Variants in DYNC2H1 observed in about 807,000 individuals in gnomAD.
DYNC2H1 encodes the protein dynein cytoplasmic 2 heavy chain 1, also known as cytoplasmic dynein 2 heavy chain 1.
Under a neutral mutation model 570.0 loss-of-function variants are expected in DYNC2H1, and 410 were observed. The ratio of observed to expected loss-of-function variants is 0.72; its 90% CI spans 0.66 to 0.78. The LOEUF (loss-of-function observed/expected upper bound fraction) is 0.78, where lower values mean the gene tolerates loss of function less well. DYNC2H1 is among the 30% of genes least tolerant of loss of function. The probability of loss-of-function intolerance (pLI) is 0.00; values close to 1 mark genes in which losing one functional copy is unlikely to be tolerated. For synonymous variants in DYNC2H1, 1,688 were observed against 1,677.6 expected, an observed-to-expected ratio of 1.01 and a Z score of -0.15; for missense variants, 4,865 against 5,046.4, an observed-to-expected ratio of 0.96 and a Z score of 1.09.
Position 103,277,148 on chromosome 11 carries a change from T to A in DYNC2H1, c.10696-3200T>A, listed in dbSNP as rs1382110919. On this transcript the variant is annotated intron_variant, in intron 70 of 88. Transcript: ENST00000375735. The surrounding 1 kb of genome is among the most constrained non-coding windows in gnomAD (Gnocchi z 4.3). ...GTCTCCTTTTCAGTCTCTCCCCAAC[T>A]TGTTACCCCCTTTTAGACCTTATAT... 6.6e-6 allele frequency among the ~76,000 whole-genome samples: 1 copy of A among 152,080 alleles called. No individual in the cohort carries two copies. Among genetic ancestry groups the A allele is most frequent in the Non-Finnish European group, 1.5e-5 (1 of 67,972 alleles).
At chr11:103,197,611 C>G (rs1862553315) in intron 47 of DYNC2H1, among the ~76,000 whole-genome samples, 1 of 152,032 alleles carries the variant, frequency 6.6e-6, no homozygotes, top group Non-Finnish European at 1.5e-5. Context: ...CCACACCTGG[C>G]TAATTTTTAA....
At position 103,145,336 on chromosome 11, in the gene DYNC2H1, A is replaced by G. The variant is rs572726822; in HGVS notation, c.2702+1941A>G. ...GAGCGTGGGTGATTTGGATACTGGTAGGACCATTAATATTAGTTTAAAGTA... is the reference window on the plus strand; with the variant it reads ...GAGCGTGGGTGATTTGGATACTGGTGGGACCATTAATATTAGTTTAAAGTA... On this transcript the variant is annotated intron_variant, in intron 18 of 88. Transcript: ENST00000375735. The surrounding 1 kb of genome is among the most constrained non-coding windows in gnomAD (Gnocchi z 4.2). Among the ~76,000 whole-genome samples, 1 of 152,346 alleles carries G rather than the reference A, an allele frequency of 6.6e-6. No homozygotes were observed. Among genetic ancestry groups the G allele is most frequent in the African/African-American group, 2.4e-5 (1 of 41,588 alleles).
intron 75 of DYNC2H1, chr11:103,287,871 A>T (rs548760184): frequency 1.7e-4 from 55 of 332,642 alleles, no homozygotes; most frequent in African/African-American, 1.1e-3. Context: ...CCATGGAGAA[A>T]GAGTAATTCA....
chr11:103,291,163 C>T (rs989863131), intron 75 of DYNC2H1, among the ~76,000 whole-genome samples: 18 of 152,146 alleles, frequency 1.2e-4, no homozygotes, highest in Non-Finnish European at 2.2e-4. Flanking sequence ...TGCAGCTGGG[C>T]GTGGTGGCTC....
At chr11:103,155,603 A>C in intron 25 of DYNC2H1, 102 bp downstream of exon 25, 1 of 1,164,612 alleles carries the variant, frequency 8.6e-7, no homozygotes, top group Non-Finnish European at 1.2e-6. Flanking sequence ...CCTTTAAGGG[A>C]ATCAGCTTTC....
At chr11:103,475,607 G>C (rs559739655) in intron 88 of DYNC2H1, among the ~76,000 whole-genome samples, 130 of 152,248 alleles carry the variant, frequency 8.5e-4, no homozygotes, top group African/African-American at 3.1e-3. Flanking sequence ...CCACTGAAGA[G>C]ATTTTGAGAA....
At chr11:103,312,071 A>G in intron 79 of DYNC2H1, 38 bp downstream of exon 79, 2 of 1,565,786 alleles carry the variant, frequency 1.3e-6, no homozygotes, top group Non-Finnish European at 8.6e-7. Context: ...TCTAAGCTTT[A>G]TATTTTTGTA....
chr11:103,136,760 C>T (rs1183579255), intron 17 of DYNC2H1, among the ~76,000 whole-genome samples: 2 of 152,156 alleles, frequency 1.3e-5, no homozygotes, highest in African/African-American at 4.8e-5. Flanking sequence ...ATGGCTGGGT[C>T]AAATGGTATT....
intron 84 of DYNC2H1, among the ~76,000 whole-genome samples, chr11:103,429,916 G>T (rs752647448): frequency 3.3e-5 from 5 of 152,132 alleles, no homozygotes; most frequent in Admixed American, 6.6e-5. Context: ...GAAATAAATT[G>T]CAGTTACAGT....
At chr11:103,284,524 A>G (rs905463117) in intron 73 of DYNC2H1, among the ~76,000 whole-genome samples, 8 of 150,280 alleles carry the variant, frequency 5.3e-5, no homozygotes, top group African/African-American at 1.9e-4. Context: ...ATACATGATG[A>G]TAATATAATG....
intron 24 of DYNC2H1, 65 bp from the exon 25 acceptor site, chr11:103,155,266 T>C (rs772248852): frequency 1.2e-5 from 18 of 1,441,736 alleles, no homozygotes; most frequent in Non-Finnish European, 1.4e-5. Context: ...AAATACTAAT[T>C]TGCATTTTGC....
rs1361363103 is a variant in DYNC2H1, at chr11:103,181,521, T to A, written c.6348-236T>A. 6.6e-6 allele frequency among the ~76,000 whole-genome samples: 1 copy of A among 151,614 alleles called. No homozygotes were observed. The highest frequency in any genetic ancestry group is 1.5e-5 in the Non-Finnish European group (1 of 67,698). On this transcript the variant is annotated intron_variant, in intron 39 of 88. Coordinates refer to ENST00000375735, the MANE Select transcript of DYNC2H1 (RefSeq NM_001377.3). The surrounding 1 kb of genome is among the most constrained non-coding windows in gnomAD (Gnocchi z 5.0). ...TATTTGTTTTATAGAAAATGACATA[T>A]ATATGTATATATACCTATATGCATG...
chr11:103,280,362 G>A lies in DYNC2H1; in HGVS notation c.10710G>A (p.Met3570Ile). Residue 3570 changes from methionine to isoleucine, a missense_variant, in exon 71 of 89, where the codon ATG becomes ATA. By Grantham distance (10) the Met-to-Ile change is conservative (BLOSUM62 1). Coordinates refer to ENST00000375735, the MANE Select transcript of DYNC2H1 (RefSeq NM_001377.3). This position sits in a 1 kb window ranked among gnomAD's most constrained non-coding sequence, Gnocchi z 4.7. ...ATTCTTTGCAGGCTGATCAGTTGAT[G>A]TTCGCTTTGCATTTTGTTCGAGGCA... ...CRCLFKADQL[M>I]FALHFVRGMH... 1 of 1,555,444 alleles carries A rather than the reference G, an allele frequency of 6.4e-7. No individual in the cohort carries two copies. The highest frequency in any genetic ancestry group is 1.7e-4 in the Middle Eastern group (1 of 5,974).
At position 103,299,411 on chromosome 11, in the gene DYNC2H1, G is replaced by T. The variant is rs1866960192; in HGVS notation, c.11096-3682G>T. Among the ~76,000 whole-genome samples the T allele has an allele frequency of 6.6e-6, 1 of 152,046 alleles. No individual in the cohort carries two copies. Among genetic ancestry groups the T allele is most frequent in the Non-Finnish European group, 1.5e-5 (1 of 67,984 alleles). On this transcript the variant is annotated intron_variant, in intron 75 of 88. Transcript: ENST00000375735. This position sits in a 1 kb window ranked among gnomAD's most constrained non-coding sequence, Gnocchi z 4.5. ...GTCAGAAACCTGATGGGCTCACCAGGTTTCTTTGCTCCAAGTTTTGGAAGC... is the reference window on the plus strand; with the variant it reads ...GTCAGAAACCTGATGGGCTCACCAGTTTTCTTTGCTCCAAGTTTTGGAAGC...
At chr11:103,217,611 G>C (rs1863433958) in intron 55 of DYNC2H1, among the ~76,000 whole-genome samples, 1 of 152,112 alleles carries the variant, frequency 6.6e-6, no homozygotes, top group African/African-American at 2.4e-5. Flanking sequence ...TCTTAGTGTA[G>C]AACATGAAAT....
intron 83 of DYNC2H1, among the ~76,000 whole-genome samples, chr11:103,393,264 A>G (rs188404152): frequency 1.6e-4 from 24 of 152,344 alleles, no homozygotes; most frequent in Admixed American, 1.5e-3. Flanking sequence ...AAAATTAGCT[A>G]TTCTTCCTCT....
chr11:103,324,068 A>G lies in DYNC2H1; in HGVS notation c.12039+78A>G, dbSNP rs1347291147. ...GAGACAAAATTAAACTTGATTTAGTACTGTAGACCCCACAAGCTTTATTTA... is the reference window on the plus strand; with the variant it reads ...GAGACAAAATTAAACTTGATTTAGTGCTGTAGACCCCACAAGCTTTATTTA... On this transcript the variant is annotated intron_variant, in intron 82 of 88. Transcript: ENST00000375735. This position sits in a 1 kb window ranked among gnomAD's most constrained non-coding sequence, Gnocchi z 5.2. 13 of 829,154 alleles carry G rather than the reference A, an allele frequency of 1.6e-5. No homozygotes were observed. Among genetic ancestry groups the G allele is most frequent in the Non-Finnish European group, 2.3e-5 (13 of 577,306 alleles). The allele number at this position is 829,154 out of a possible 1,614,324, so 51.4% of individuals were successfully genotyped here.
chr11:103,295,465 T>G (rs373556231), intron 75 of DYNC2H1, among the ~76,000 whole-genome samples: 1 of 152,204 alleles, frequency 6.6e-6, no homozygotes, highest in East Asian at 1.9e-4. Context: ...CTCCCAGCAC[T>G]CCCTCAACTT....
intron 75 of DYNC2H1, among the ~76,000 whole-genome samples, chr11:103,295,659 T>G (rs983431376): frequency 6.6e-6 from 1 of 152,222 alleles, no homozygotes. Flanking sequence ...AATAAGCCTG[T>G]GCAAGACACT....
Sources: gnomAD v4.1 joint callset for allele counts (sites outside exome capture counted in the v4.1 genomes callset) on GRCh38, gnomAD v4.1.1 for gene constraint, Gnocchi (gnomAD v3.1) non-coding constraint, MANE v1.5 for transcripts, NCBI Gene and HGNC (gene_info 2026-07-23, HGNC 2026-07-21) for gene names.